Variants in PLCB1 observed in about 807,000 individuals in gnomAD.
PLCB1 encodes the protein phospholipase C beta 1, also known as 1-phosphatidylinositol 4,5-bisphosphate phosphodiesterase beta-1.
In PLCB1, 46 loss-of-function variants were observed where a neutral mutation model predicts 161.8. The observed-to-expected ratio is 0.28, with a 90% CI of 0.22 to 0.36. PLCB1 has a LOEUF of 0.36. Among genes scored for constraint, PLCB1 ranks in the 10% least tolerant of loss-of-function variants. The probability of loss-of-function intolerance (pLI) is 1.00; values close to 1 mark genes in which losing one functional copy is unlikely to be tolerated. For missense variants in PLCB1, 1,016 were observed against 1,472.5 expected (o/e 0.69, Z 5.07); for synonymous variants, 517 against 503.7 (o/e 1.03, Z -0.35).
intron 2 of PLCB1, among the ~76,000 whole-genome samples, chr20:8,222,663 C>T (rs1165807848): frequency 1.3e-5 from 2 of 152,010 alleles, no homozygotes; most frequent in Non-Finnish European, 2.9e-5. Context: ...ATATCTTGTC[C>T]CACTCTCTGT....
At chr20:8,858,338 C>T (rs1987136995) in intron 31 of PLCB1, among the ~76,000 whole-genome samples, 1 of 152,170 alleles carries the variant, frequency 6.6e-6, no homozygotes, top group Non-Finnish European at 1.5e-5. Context: ...ATATCACAAA[C>T]TCAGGAAATC....
chr20:8,714,822 A>C (rs1979212924), intron 12 of PLCB1, among the ~76,000 whole-genome samples: 1 of 152,124 alleles, frequency 6.6e-6, no homozygotes, highest in South Asian at 2.1e-4. Context: ...CAGAGAACTC[A>C]CTTTCCACCC....
intron 2 of PLCB1, among the ~76,000 whole-genome samples, chr20:8,226,806 G>A (rs922526128): frequency 6.6e-6 from 1 of 151,442 alleles, no homozygotes; most frequent in African/African-American, 2.4e-5. Context: ...TCCTGCATCA[G>A]CCTCCCGAGT....
chr20:8,541,389 G>C (rs1985309161), intron 3 of PLCB1, among the ~76,000 whole-genome samples: 1 of 152,084 alleles, frequency 6.6e-6, no homozygotes, highest in Non-Finnish European at 1.5e-5. Context: ...GAGATAACTT[G>C]CAAAGAGGAG....
intron 12 of PLCB1, 93 bp from the exon 13 acceptor site, chr20:8,716,171 C>G (rs1979298875): frequency 1.1e-6 from 1 of 878,056 alleles, no homozygotes. Flanking sequence ...TAGAGAATTA[C>G]TTCTTTCTGT....
intron 3 of PLCB1, among the ~76,000 whole-genome samples, chr20:8,593,907 C>G (rs1409381287): frequency 6.6e-6 from 1 of 151,980 alleles, no homozygotes; most frequent in Non-Finnish European, 1.5e-5. Flanking sequence ...ATTTTAGAGG[C>G]AGAATCTTGC....
chr20:8,184,431 C>T (rs1407947916), intron 2 of PLCB1, among the ~76,000 whole-genome samples: 1 of 152,016 alleles, frequency 6.6e-6, no homozygotes, highest in Non-Finnish European at 1.5e-5. Context: ...TTCCTTTAAC[C>T]TCTCTAATTT....
At chr20:8,878,437 G>A (rs904137879) in intron 31 of PLCB1, among the ~76,000 whole-genome samples, 1 of 152,164 alleles carries the variant, frequency 6.6e-6, no homozygotes. Context: ...TGTTGGAACA[G>A]CAGGGAAAGA....
At chr20:8,358,775 G>C (rs1401092752) in intron 2 of PLCB1, among the ~76,000 whole-genome samples, 1 of 152,136 alleles carries the variant, frequency 6.6e-6, no homozygotes, top group African/African-American at 2.4e-5. Context: ...TGGATTCTCT[G>C]CCACTTGCAC....
chr20:8,379,471 A>G (rs1987197291), intron 3 of PLCB1, among the ~76,000 whole-genome samples: 1 of 152,160 alleles, frequency 6.6e-6, no homozygotes, highest in South Asian at 2.1e-4. Context: ...ATACCCAGTA[A>G]TGGAATTGCT....
At chr20:8,683,462 GT>G (rs1315419877) in intron 9 of PLCB1, among the ~76,000 whole-genome samples, 1 of 151,782 alleles carries the variant, frequency 6.6e-6, no homozygotes, top group African/African-American at 2.4e-5. Flanking sequence ...CAAATATGTT[GT>G]TTGAAGCTTT....
intron 3 of PLCB1, among the ~76,000 whole-genome samples, chr20:8,517,187 A>T (rs975781971): frequency 2.6e-5 from 4 of 152,156 alleles, no homozygotes; most frequent in African/African-American, 9.7e-5. Context: ...ACATCCCACA[A>T]CCTAAAGAGC....
intron 31 of PLCB1, among the ~76,000 whole-genome samples, chr20:8,801,304 T>C (rs190359532): frequency 1.3e-3 from 199 of 152,268 alleles, no homozygotes; most frequent in Non-Finnish European, 2.1e-3. Flanking sequence ...ATGACCACTT[T>C]ATTAAAATTT....
chr20:8,216,950 C>A (rs910803235), intron 2 of PLCB1, among the ~76,000 whole-genome samples: 11 of 152,124 alleles, frequency 7.2e-5, no homozygotes, highest in African/African-American at 2.7e-4. Context: ...CCTATTCTCC[C>A]CCTTACCAGG....
intron 31 of PLCB1, among the ~76,000 whole-genome samples, chr20:8,817,648 C>G (rs2146259956): frequency 6.6e-6 from 1 of 152,248 alleles, no homozygotes; most frequent in African/African-American, 2.4e-5. Flanking sequence ...AAAAAGGAAC[C>G]CATCTTTAAA....
rs117742832 is a variant in PLCB1, at chr20:8,738,236, A to G, written c.2209-1025A>G. Among the ~76,000 whole-genome samples the G allele has an allele frequency of 3.0e-4, 46 of 152,352 alleles. 2 individuals carry two copies. The East Asian group carries it at 8.9e-3, about 29-fold the overall frequency. The stretch of plus-strand genomic sequence containing the variant: ...TTTTTTGCTTTCACTTTGAAGATGC[A>G]AAAGTCATTTGCTTTGAAAACATAA... On this transcript the variant is annotated intron_variant, in intron 20 of 31. Transcript: ENST00000338037.
At chr20:8,795,823 C>T (rs920621850) in intron 31 of PLCB1, among the ~76,000 whole-genome samples, 8 of 148,824 alleles carry the variant, frequency 5.4e-5, no homozygotes, top group South Asian at 2.1e-4. Flanking sequence ...TGCAGTGAGC[C>T]GAGATCGCGC....
At chr20:8,655,397 A>C (rs2123313478) in intron 7 of PLCB1, among the ~76,000 whole-genome samples, 1 of 152,210 alleles carries the variant, frequency 6.6e-6, no homozygotes, top group Non-Finnish European at 1.5e-5. Context: ...CACATATCCT[A>C]GCTCGTGTAC....
intron 31 of PLCB1, among the ~76,000 whole-genome samples, chr20:8,844,894 A>G (rs1986634452): frequency 6.6e-6 from 1 of 152,078 alleles, no homozygotes; most frequent in Non-Finnish European, 1.5e-5. Context: ...GCGGATCACG[A>G]GATCAGGAGA....
Sources: gnomAD v4.1 joint callset for allele counts (sites outside exome capture counted in the v4.1 genomes callset) on GRCh38, gnomAD v4.1.1 for gene constraint, MANE v1.5 for transcripts, NCBI Gene and HGNC (gene_info 2026-07-23, HGNC 2026-07-21) for gene names.